CHTF18: variants seen among roughly 807,000 people sequenced by gnomAD.
CHTF18 encodes the protein chromosome transmission fidelity factor 18.
Under a neutral mutation model 113.4 loss-of-function variants are expected in CHTF18, and 151 were observed. The observed-to-expected ratio is 1.33, with a 90% CI of 1.17 to 1.52. The LOEUF is 1.52. Ranked by LOEUF, CHTF18 falls within the 40% of genes most tolerant of loss-of-function variation. The pLI is 0.00. For missense variants in CHTF18, 1,982 were observed against 1,381.6 expected (o/e 1.43, Z -6.89); for synonymous variants, 916 against 598.8 (o/e 1.53, Z -7.74).
At chr16:796,603 A>G in intron 18 of CHTF18, 114 bp from the exon 19 acceptor site, 1 of 1,279,704 alleles carries the variant, frequency 7.8e-7, no homozygotes, top group Non-Finnish European at 1.0e-6. Context: ...ACTCAGCCCC[A>G]CATTCCTGCT....
chr16:795,171 T>G lies in CHTF18; in HGVS notation c.1990T>G (p.Ser664Ala). ...CTTCCTGCGTCTGCGGCTGCGAGAC[T>G]CCAGCCTGGGTGCTGTGTGTGTGGC... is the stretch of plus-strand genomic sequence containing the variant. ...DNFLRLRLRD[S>A]SLGAVCVALD... is the part of the protein sequence containing the mutation. The change falls in exon 16 of 22, where the codon TCC becomes GCC. Residue 664 changes from serine to alanine, a missense_variant. Physicochemically the swap from Ser to Ala is moderately conservative, Grantham distance 99. Coordinates refer to ENST00000262315, the MANE Select transcript of CHTF18 (RefSeq NM_022092.3). The G allele has an allele frequency of 6.4e-7, 1 of 1,557,026 alleles. No homozygotes were observed. The highest frequency in any genetic ancestry group is 2.4e-5 in the East Asian group (1 of 41,544).
Position 792,741 on chromosome 16 carries a change from T to G in CHTF18, c.1502T>G (p.Leu501Arg). ...NDQFAPSLRQLKQQAFLLHFP... is the reference protein window; with the variant it reads ...NDQFAPSLRQRKQQAFLLHFP... ...AGGTTCGCACCGTCCCTGCGGCAGC[T>G]GAAGCAGCAGGCCTTCCTGCTCCAC... The change falls in exon 12 of 22, where the codon CTG becomes CGG. Residue 501 changes from leucine (L) to arginine (R), a missense_variant. By Grantham distance (102) the Leu-to-Arg change is moderately radical. Coordinates refer to ENST00000262315, the MANE Select transcript of CHTF18 (RefSeq NM_022092.3). 1 of 1,554,872 alleles carries G rather than the reference T, an allele frequency of 6.4e-7. No individual in the cohort carries two copies. Among genetic ancestry groups the G allele is most frequent in the Non-Finnish European group, 8.7e-7 (1 of 1,154,580 alleles).
chr16:789,984 C>G (rs1316239243), intron 4 of CHTF18, 193 bp from the exon 5 acceptor site: 4 of 1,535,254 alleles, frequency 2.6e-6, no homozygotes, highest in Non-Finnish European at 3.5e-6. Flanking sequence ...TCTCCTAAAG[C>G]TGCCCCCAAT....
chr16:791,605 G>A, intron 8 of CHTF18: 1 of 1,430,740 alleles, frequency 7.0e-7, no homozygotes, highest in Non-Finnish European at 9.1e-7. Context: ...GACGGTGGGT[G>A]GTTTCTGGGG....
intron 14 of CHTF18, chr16:793,513 G>A: frequency 1.6e-6 from 1 of 607,476 alleles, no homozygotes; most frequent in Non-Finnish European, 2.9e-6. Context: ...CACCCCCAGT[G>A]TGGTGGGGCC....
At chr16:791,556 C>T (rs147005004) in intron 8 of CHTF18, 186 bp downstream of exon 8, 96 of 1,434,624 alleles carry the variant, frequency 6.7e-5, no homozygotes, top group Admixed American at 6.0e-4. Context: ...AAGTCGTTGT[C>T]CCTGAAGGGC....
In CHTF18 at chr16:791,975, C is replaced by G. The variant is rs773955747; in HGVS notation, c.1202+27C>G. 1.9e-6 allele frequency: 3 copies of G among 1,587,856 alleles called. No individual in the cohort carries two copies. In the African/African-American group the frequency reaches 4.0e-5, roughly 21 times the overall value. The stretch of plus-strand genomic sequence containing the variant: ...TGAGTGATGTGAGGTCCGTCTCTGG[C>G]TCGCCTTCTGTCCTGACGTGTTTGA... On this transcript the variant is annotated intron_variant, in intron 9 of 21. Transcript: ENST00000262315.
intron 15 of CHTF18, chr16:794,860 G>A (rs567891365): frequency 1.8e-5 from 9 of 488,514 alleles, no homozygotes; most frequent in African/African-American, 1.4e-4. Context: ...TCACCCCCTC[G>A]TGTCAGTCTC....
Position 789,665 on chromosome 16 carries a change from G to A in CHTF18, c.556G>A (p.Val186Ile), listed in dbSNP as rs374092978. The change falls in exon 4 of 22, where the codon GTC (valine) becomes ATC (isoleucine). Residue 186 changes from valine (V) to isoleucine (I), a missense_variant. Transcript: ENST00000262315. ...DYVHVTSTEG[V>I]RAYLVLRADP... Reference sequence around the variant, plus strand: ...CGTCCACGTGACATCCACGGAGGGCGTCCGGGCTTATCTGGTGCTGCGTGC... The same window carrying A: ...CGTCCACGTGACATCCACGGAGGGCATCCGGGCTTATCTGGTGCTGCGTGC... 3 of 1,603,566 alleles carry A rather than the reference G, an allele frequency of 1.9e-6. No individual in the cohort carries two copies. The highest frequency in any genetic ancestry group is 1.7e-6 in the Non-Finnish European group (2 of 1,179,574).
At position 794,207 on chromosome 16, in the gene CHTF18, T is replaced by C. The variant is rs771075086; in HGVS notation, c.1950+6T>C. On this transcript the variant is annotated splice_donor_region_variant and intron_variant, in intron 15 of 21. Coordinates refer to ENST00000262315, the MANE Select transcript of CHTF18 (RefSeq NM_022092.3). The stretch of plus-strand genomic sequence containing the variant: ...AGCACGAGAAGGTGGTCCAGGTACC[T>C]GTCTTCCACCAAAATGCCTGCCTGG... 1.2e-6 allele frequency: 2 copies of C among 1,608,972 alleles called. No individual in the cohort carries two copies. Among genetic ancestry groups the C allele is most frequent in the Non-Finnish European group, 1.7e-6 (2 of 1,177,026 alleles).
intron 3 of CHTF18, 60 bp downstream of exon 3, chr16:789,420 C>T (rs1176644296): frequency 5.9e-6 from 9 of 1,534,876 alleles, no homozygotes; most frequent in South Asian, 5.0e-5. Context: ...AGATGGAGCC[C>T]ATCCCGTGCC....
Position 795,448 on chromosome 16 carries a change from C to A in CHTF18, c.2175+92C>A. Reference sequence around the variant, plus strand: ...CTGCCCCCGGCCCCGTGCCCGCCCCCCCAAACACACTGCCCGTGTGGCTGC... The same window carrying A: ...CTGCCCCCGGCCCCGTGCCCGCCCCACCAAACACACTGCCCGTGTGGCTGC... On this transcript the variant is annotated intron_variant, in intron 16 of 21. Transcript: ENST00000262315. 5 of 570,540 alleles carry A rather than the reference C, an allele frequency of 8.8e-6. 2 individuals carry two copies. Among genetic ancestry groups the A allele is most frequent in the Non-Finnish European group, 1.2e-5 (4 of 345,390 alleles). 35.3% of individuals were successfully genotyped at this position (570,540 alleles called of 1,614,324 possible).
In CHTF18 at chr16:797,575, A is replaced by C. The variant is rs531973136; in HGVS notation, c.2734-119A>C. 34 of 1,064,448 alleles carry C rather than the reference A, an allele frequency of 3.2e-5. No individual in the cohort carries two copies. In the African/African-American group the frequency reaches 4.4e-4, roughly 14 times the overall value. 65.9% of individuals were successfully genotyped at this position (1,064,448 alleles called of 1,614,324 possible). A position where few individuals can be genotyped will look rare whatever the true frequency, so the allele number is the denominator to read the frequency against. ...CAGCTGGCCTGGGCCAGGTTCCGAA[A>C]GGTGTCTCAGAGGTGTTCTGGTCCC... On this transcript the variant is annotated intron_variant, in intron 20 of 21. Coordinates refer to ENST00000262315, the MANE Select transcript of CHTF18 (RefSeq NM_022092.3).
In CHTF18 at chr16:798,016, G is replaced by T; in HGVS notation, c.*41G>T. ...ACATGCCCTCGCATTGCTTCCCGCA[G>T]AGTGCAGAGACAGGAAGCTGGAGAT... On this transcript the variant is annotated 3_prime_UTR_variant, in exon 22 of 22. Transcript: ENST00000262315. 2 of 1,588,202 alleles carry T rather than the reference G, an allele frequency of 1.3e-6. No homozygotes were observed.
chr16:796,838 G>T lies in CHTF18; in HGVS notation c.2578G>T (p.Ala860Ser). 1 of 1,606,316 alleles carries T rather than the reference G, an allele frequency of 6.2e-7. No homozygotes were observed. The highest frequency in any genetic ancestry group is 8.5e-7 in the Non-Finnish European group (1 of 1,178,104). ...GAAGATGCGGCGGGCGGAGGCTTCT[G>T]CCCGGGTAGAGAACAGCCCCCAGGT... Reference protein sequence around the residue: ...VEKMRRAEASARVENSPQVDG... With the variant: ...VEKMRRAEASSRVENSPQVDG... Residue 860 changes from alanine (A) to serine (S), a missense_variant, in exon 19 of 22, where the codon GCC becomes TCC. By Grantham distance (99) the Ala-to-Ser change is moderately conservative (BLOSUM62 1). Transcript: ENST00000262315.
chr16:794,417 G>C (rs937162294), intron 15 of CHTF18, among the ~76,000 whole-genome samples: 2 of 152,174 alleles, frequency 1.3e-5, no homozygotes, highest in African/African-American at 4.8e-5. Flanking sequence ...CAGGCAAGGA[G>C]GTAGGGGCGG....
At chr16:796,444 A>G (rs1203040656) in intron 18 of CHTF18, among the ~76,000 whole-genome samples, 1 of 152,202 alleles carries the variant, frequency 6.6e-6, no homozygotes, top group African/African-American at 2.4e-5. Context: ...TGCCCCAGCG[A>G]CGGCACCAAC....
intron 15 of CHTF18, chr16:794,793 C>CT: frequency 2.8e-6 from 1 of 355,142 alleles, no homozygotes; most frequent in East Asian, 6.2e-5. Context: ...CTCAGGCAGT[C>CT]TAAGGAGGGG....
chr16:791,826 A>T, intron 8 of CHTF18, 25 bp from the exon 9 acceptor site: 1 of 1,581,220 alleles, frequency 6.3e-7, no homozygotes, highest in Non-Finnish European at 8.6e-7. Flanking sequence ...GGTGCACACT[A>T]CGCCTTCATC....
Sources: allele counts gnomAD v4.1 joint callset (sites outside exome capture counted in the v4.1 genomes callset), GRCh38; gene constraint gnomAD v4.1.1; transcripts MANE v1.5; gene names NCBI Gene and HGNC (gene_info 2026-07-23, HGNC 2026-07-21).